ASRGL1: variants seen among roughly 807,000 people sequenced by gnomAD.
ASRGL1 encodes asparaginase and isoaspartyl peptidase 1, also known as isoaspartyl peptidase/L-asparaginase.
In ASRGL1, 16 loss-of-function variants were observed where a neutral mutation model predicts 22.4. The ratio of observed to expected loss-of-function variants is 0.71; its 90% CI spans 0.48 to 1.08. The LOEUF (loss-of-function observed/expected upper bound fraction) is 1.08, where lower values mean the gene tolerates loss of function less well. ASRGL1 is among the 50% of genes least tolerant of loss of function. ASRGL1 has a pLI of 0.00. For synonymous variants in ASRGL1, 165 were observed against 159.3 expected, an observed-to-expected ratio of 1.04 and a Z score of -0.27; for missense variants, 412 against 410.1, an observed-to-expected ratio of 1.00 and a Z score of -0.04.
intron 2 of ASRGL1, among the ~76,000 whole-genome samples, chr11:62,350,826 C>A (rs1478938396): frequency 6.6e-6 from 1 of 152,058 alleles, no homozygotes; most frequent in African/African-American, 2.4e-5. Context: ...TCCACTTTGC[C>A]TATATCTGTC....
intron 2 of ASRGL1, among the ~76,000 whole-genome samples, chr11:62,355,786 G>T (rs1418433234): frequency 6.6e-6 from 1 of 152,144 alleles, no homozygotes; most frequent in East Asian, 1.9e-4. Flanking sequence ...CAGTGTTTGT[G>T]TCCCTGGGTA....
chr11:62,361,732 T>G (rs549092267), intron 4 of ASRGL1, among the ~76,000 whole-genome samples: 2 of 152,124 alleles, frequency 1.3e-5, no homozygotes, highest in South Asian at 4.2e-4. Flanking sequence ...GTGATCTGCC[T>G]GCCTCAGCCC....
intron 4 of ASRGL1, among the ~76,000 whole-genome samples, chr11:62,362,646 AAT>A (rs1565162379): frequency 2.1e-5 from 1 of 48,456 alleles, no homozygotes; most frequent in African/African-American, 9.2e-5. Flanking sequence ...TATAATATAT[AAT>A]ATATATTATA....
At chr11:62,354,372 A>C (rs1005538251) in intron 2 of ASRGL1, among the ~76,000 whole-genome samples, 1 of 152,224 alleles carries the variant, frequency 6.6e-6, no homozygotes, top group Non-Finnish European at 1.5e-5. Context: ...CACCAATGGT[A>C]CTCAACCTTA....
At chr11:62,356,539 G>A in intron 3 of ASRGL1, 72 bp downstream of exon 3, 1 of 1,512,216 alleles carries the variant, frequency 6.6e-7, no homozygotes, top group Non-Finnish European at 9.1e-7. Flanking sequence ...GGCTCCAACT[G>A]TGCAGAAATA....
chr11:62,359,457 A>G (rs1946382192), intron 4 of ASRGL1, among the ~76,000 whole-genome samples: 1 of 152,174 alleles, frequency 6.6e-6, no homozygotes, highest in Non-Finnish European at 1.5e-5. Context: ...AAAAAAAAAA[A>G]GTGAAATTAA....
chr11:62,370,947 AG>A (rs1403978978), intron 4 of ASRGL1, among the ~76,000 whole-genome samples: 1 of 152,154 alleles, frequency 6.6e-6, no homozygotes, highest in Non-Finnish European at 1.5e-5. Context: ...TGGTACTGAC[AG>A]TAGGTACTGC....
chr11:62,366,231 C>T (rs1946607389), intron 4 of ASRGL1, among the ~76,000 whole-genome samples: 1 of 141,618 alleles, frequency 7.1e-6, no homozygotes, highest in Non-Finnish European at 1.6e-5. Flanking sequence ...GACTGCACTC[C>T]AGCCTGCGCC....
intron 4 of ASRGL1, among the ~76,000 whole-genome samples, chr11:62,368,748 C>T (rs898078997): frequency 6.6e-6 from 1 of 151,198 alleles, no homozygotes; most frequent in African/African-American, 2.4e-5. Context: ...AGCAGGAAAA[C>T]GTGAGCAAAG....
intron 4 of ASRGL1, among the ~76,000 whole-genome samples, chr11:62,369,354 G>T (rs1016312553): frequency 6.6e-6 from 1 of 152,200 alleles, no homozygotes; most frequent in East Asian, 1.9e-4. Flanking sequence ...GCATCTCAAG[G>T]CAGAAGAATA....
rs1052098857 is a variant in ASRGL1 at position 62,379,478 on chromosome 11, G to T, written c.492-9655G>T. On this transcript the variant is annotated intron_variant, in intron 4 of 6. Coordinates refer to ENST00000415229, the MANE Select transcript of ASRGL1 (RefSeq NM_001083926.2). ...AACAACTGAGCAATCCTGTCTCCTG[G>T]ACTGGCACTGCAAGGAATTGAGGAG... is the stretch of plus-strand genomic sequence containing the variant. 2.0e-5 allele frequency among the ~76,000 whole-genome samples: 3 copies of T among 152,118 alleles called. No homozygotes were observed. The East Asian group carries it at 5.8e-4, about 29-fold the overall frequency.
chr11:62,348,278 ACAC>A, intron 2 of ASRGL1, among the ~76,000 whole-genome samples: 1 of 152,352 alleles, frequency 6.6e-6, no homozygotes. Context: ...ATGGCCAGCC[ACAC>A]CATGTGGGAG....
chr11:62,375,013 C>T (rs1366504474), intron 4 of ASRGL1, among the ~76,000 whole-genome samples: 2 of 151,688 alleles, frequency 1.3e-5, no homozygotes, highest in African/African-American at 4.9e-5. Context: ...CACCTGAGGT[C>T]CCAGCCTTTG....
chr11:62,361,342 C>G (rs1320156854), intron 4 of ASRGL1, among the ~76,000 whole-genome samples: 1 of 151,964 alleles, frequency 6.6e-6, no homozygotes, highest in East Asian at 1.9e-4. Context: ...CAGGCATGCA[C>G]CATGCCTGGC....
intron 4 of ASRGL1, among the ~76,000 whole-genome samples, chr11:62,366,211 G>C (rs1946606897): frequency 7.4e-6 from 1 of 134,580 alleles, no homozygotes; most frequent in African/African-American, 2.8e-5. Flanking sequence ...GCAGTGAGCC[G>C]AGATCACACG....
chr11:62,371,326 G>GGCAGGGGCAAGC, intron 4 of ASRGL1: 1 of 1,292,168 alleles, frequency 7.7e-7, no homozygotes, highest in South Asian at 1.5e-5. Context: ...CGGGGCCCCC[G>GGCAGGGGCAAGC]GCAGGGGCAA....
chr11:62,349,474 T>A (rs1414947873), intron 2 of ASRGL1, among the ~76,000 whole-genome samples: 2 of 152,204 alleles, frequency 1.3e-5, no homozygotes, highest in African/African-American at 4.8e-5. Flanking sequence ...CAAAGGCAGT[T>A]TCAATGTTTC....
At chr11:62,357,885 GA>G (rs1387237557) in intron 4 of ASRGL1, among the ~76,000 whole-genome samples, 2 of 152,182 alleles carry the variant, frequency 1.3e-5, no homozygotes, top group African/African-American at 4.8e-5. Context: ...ATACTTTTTA[GA>G]GTAATGATAT....
chr11:62,358,778 G>C (rs1443573992), intron 4 of ASRGL1, among the ~76,000 whole-genome samples: 2 of 152,186 alleles, frequency 1.3e-5, no homozygotes, highest in African/African-American at 4.8e-5. Context: ...TCTATGTCTT[G>C]GAAGCAAAAG....
Sources: allele counts gnomAD v4.1 joint callset (sites outside exome capture counted in the v4.1 genomes callset), GRCh38; gene constraint gnomAD v4.1.1; transcripts MANE v1.5; gene names NCBI Gene and HGNC (gene_info 2026-07-23, HGNC 2026-07-21).